The following C1orf159 variants were observed in gnomAD, a reference collection of about 807,000 sequenced individuals.
The protein encoded by C1orf159 is uncharacterized protein C1orf159.
A neutral mutation model predicts 25.6 loss-of-function variants in C1orf159; 19 were observed. The ratio of observed to expected loss-of-function variants is 0.74; its 90% CI spans 0.52 to 1.09. C1orf159 has a LOEUF of 1.09. Ranked by LOEUF, C1orf159 falls within the 50% of genes least tolerant of loss-of-function variation. The pLI is 0.00. For missense variants in C1orf159, 274 were observed against 290.6 expected (o/e 0.94, Z 0.42); for synonymous variants, 139 against 124.7 (o/e 1.12, Z -0.77).
chr1:1,090,422 G>A lies in C1orf159; in HGVS notation c.79C>T (p.Leu27=), dbSNP rs1351934735. The A allele has an allele frequency of 6.4e-7, 1 of 1,550,390 alleles. No individual in the cohort carries two copies. Among genetic ancestry groups the A allele is most frequent in the Non-Finnish European group, 8.7e-7 (1 of 1,146,942 alleles). ...ASKSMENTAQ[L]PECCVDVVGV... Reference sequence around the variant, plus strand: ...ACCACATCCACACAGCACTCGGGCAGCTGGGCCTGGAGGGGACACGGCAGT... The same window carrying A: ...ACCACATCCACACAGCACTCGGGCAACTGGGCCTGGAGGGGACACGGCAGT... The change falls in exon 4 of 10, where the codon CTG becomes TTG. Residue 27 remains leucine, a synonymous_variant. Coordinates refer to ENST00000421241, the MANE Select transcript of C1orf159 (RefSeq NM_017891.5).
At chr1:1,084,613 C>T in intron 7 of C1orf159, 107 bp from the exon 8 acceptor site, 1 of 1,431,774 alleles carries the variant, frequency 7.0e-7, no homozygotes, top group Non-Finnish European at 9.5e-7. Context: ...CAGCCTCAGC[C>T]CAGTGCGGCG....
At chr1:1,091,052 G>T in intron 3 of C1orf159, 1 of 1,310,842 alleles carries the variant, frequency 7.6e-7, no homozygotes, top group Non-Finnish European at 1.1e-6. Context: ...CACACCGCCA[G>T]GGAGGGGCCC....
At chr1:1,090,584 G>A (rs566486916) in intron 3 of C1orf159, 156 bp from the exon 4 acceptor site, 38 of 795,796 alleles carry the variant, frequency 4.8e-5, no homozygotes, top group South Asian at 1.8e-4. Flanking sequence ...TGTCCCCTGT[G>A]GGCCTGGGAG....
chr1:1,083,008 G>C (rs1292984652), intron 9 of C1orf159, 21 bp from the exon 10 acceptor site: 1 of 1,568,350 alleles, frequency 6.4e-7, no homozygotes, highest in East Asian at 2.3e-5. Flanking sequence ...TCAGAGACAG[G>C]CGAGGTCAGA....
At chr1:1,113,657 AAC>A (rs1267797086) in intron 1 of C1orf159, among the ~76,000 whole-genome samples, 1 of 152,194 alleles carries the variant, frequency 6.6e-6, no homozygotes, top group Non-Finnish European at 1.5e-5. Flanking sequence ...GAGCAGGAGC[AAC>A]AGTTTATGAA....
At chr1:1,092,520 C>T (rs966608420) in intron 1 of C1orf159, 2 of 153,550 alleles carry the variant, frequency 1.3e-5, no homozygotes, top group Non-Finnish European at 1.5e-5. Context: ...CACAAATCCT[C>T]AAGTGGTGTC....
In C1orf159 at chr1:1,086,568, C is replaced by T. The variant is rs921718043; in HGVS notation, c.311-556G>A. 3.9e-5 allele frequency among the ~76,000 whole-genome samples: 6 copies of T among 152,352 alleles called. No individual in the cohort carries two copies. The East Asian group carries it at 1.2e-3, about 29-fold the overall frequency. On this transcript the variant is annotated intron_variant, in intron 6 of 9. Coordinates refer to ENST00000421241, the MANE Select transcript of C1orf159 (RefSeq NM_017891.5). ...GGGAGGAGACTCCCCAACCCTGAGACACAGGCGTGTTTGCCAGGCTTGGGG... is the reference window on the plus strand; with the variant it reads ...GGGAGGAGACTCCCCAACCCTGAGATACAGGCGTGTTTGCCAGGCTTGGGG...
intron 1 of C1orf159, among the ~76,000 whole-genome samples, chr1:1,108,425 G>A (rs542043997): frequency 2.8e-5 from 3 of 105,278 alleles, no homozygotes; most frequent in Non-Finnish European, 3.6e-5. Context: ...CAGCAGCACC[G>A]TCCACCACAG....
chr1:1,098,693 A>G (rs1195220049), intron 1 of C1orf159, among the ~76,000 whole-genome samples: 15 of 151,800 alleles, frequency 9.9e-5, no homozygotes, highest in Admixed American at 5.9e-4. Context: ...ATCTCGGGTC[A>G]CTCCGTCTTT....
In C1orf159 at chr1:1,082,551, G is replaced by A. The variant is rs1186998446; in HGVS notation, c.*342C>T. 2.3e-5 allele frequency: 8 copies of A among 353,082 alleles called. No individual in the cohort carries two copies. The highest frequency in any genetic ancestry group is 8.9e-4 in the Middle Eastern group (1 of 1,126). 21.9% of individuals were successfully genotyped at this position (353,082 alleles called of 1,614,324 possible). On this transcript the variant is annotated 3_prime_UTR_variant, in exon 10 of 10. Transcript: ENST00000421241. Reference sequence around the variant, plus strand: ...AGCCCCTGGCTTTTCTAGGCAGAGCGGCACCTGCCCCATAGATCGTGCCAG... The same window carrying A: ...AGCCCCTGGCTTTTCTAGGCAGAGCAGCACCTGCCCCATAGATCGTGCCAG...
intron 1 of C1orf159, among the ~76,000 whole-genome samples, chr1:1,101,402 G>A (rs1447480508): frequency 6.6e-6 from 1 of 152,188 alleles, no homozygotes; most frequent in African/African-American, 2.4e-5. Flanking sequence ...AGAATCGCTT[G>A]AACCCAGGAG....
chr1:1,093,726 G>T (rs1326854951), intron 1 of C1orf159, among the ~76,000 whole-genome samples: 2 of 152,256 alleles, frequency 1.3e-5, no homozygotes, highest in African/African-American at 4.8e-5. Flanking sequence ...GCTGCTCCCA[G>T]TTCCTGGTGA....
chr1:1,097,061 G>A (rs1007465130), intron 1 of C1orf159, among the ~76,000 whole-genome samples: 2 of 151,614 alleles, frequency 1.3e-5, no homozygotes, highest in Admixed American at 6.6e-5. Context: ...TATGTCTATA[G>A]GATCCTTAGA....
chr1:1,111,717 C>A (rs998246407), intron 1 of C1orf159, among the ~76,000 whole-genome samples: 1 of 152,164 alleles, frequency 6.6e-6, no homozygotes, highest in Admixed American at 6.5e-5. Context: ...AAAGGGGAGG[C>A]GGGAGGGTCC....
rs1416721360 is a variant in C1orf159 at position 1,108,365 on chromosome 1, T to C, written c.-136+7695A>G. Among the ~76,000 whole-genome samples, 3 of 111,606 alleles carry C rather than the reference T, an allele frequency of 2.7e-5. No individual in the cohort carries two copies. The East Asian group carries it at 8.2e-4, about 30-fold the overall frequency. 73.2% of individuals were successfully genotyped at this position (111,606 alleles called of 152,430 possible). Reference sequence around the variant, plus strand: ...CCACAGCCACCATGTCTTGGCACTGTTCACCACAGCCACCATGTCTCGGCA... The same window carrying C: ...CCACAGCCACCATGTCTTGGCACTGCTCACCACAGCCACCATGTCTCGGCA... On this transcript the variant is annotated intron_variant, in intron 1 of 9. Transcript: ENST00000421241.
intron 3 of C1orf159, 55 bp from the exon 4 acceptor site, chr1:1,090,483 C>G: frequency 6.6e-7 from 1 of 1,525,458 alleles, no homozygotes; most frequent in East Asian, 2.5e-5. Context: ...CAGGCTCACG[C>G]CCAGAGCAGC....
chr1:1,083,982 G>T, intron 9 of C1orf159: 1 of 1,604,656 alleles, frequency 6.2e-7, no homozygotes, highest in Non-Finnish European at 8.5e-7. Flanking sequence ...GGGCCTGGCG[G>T]AGGCCGGCTG....
chr1:1,109,001 A>G lies in C1orf159; in HGVS notation c.-136+7059T>C, dbSNP rs1428297675. On this transcript the variant is annotated intron_variant, in intron 1 of 9. Transcript: ENST00000421241. ...CCATCCACCACGGCCACCATGTCTC[A>G]GCAGCACCGTCCACCACAGCCACCA... Among the ~76,000 whole-genome samples, 6 of 87,846 alleles carry G rather than the reference A, an allele frequency of 6.8e-5. 2 individuals carry two copies. The highest frequency in any genetic ancestry group is 2.4e-4 in the African/African-American group (4 of 16,330). The allele number at this position is 87,846 out of a possible 152,430, so 57.6% of individuals were successfully genotyped here. A position where few individuals can be genotyped will look rare whatever the true frequency, so the allele number is the denominator to read the frequency against.
At chr1:1,114,327 G>A (rs756373973) in intron 1 of C1orf159, among the ~76,000 whole-genome samples, 5 of 152,146 alleles carry the variant, frequency 3.3e-5, no homozygotes, top group African/African-American at 4.8e-5. Flanking sequence ...ACAGGTGCTT[G>A]CCCCCATGCC....
Sources: allele counts gnomAD v4.1 joint callset (sites outside exome capture counted in the v4.1 genomes callset), GRCh38; gene constraint gnomAD v4.1.1; transcripts MANE v1.5; gene names NCBI Gene and HGNC (gene_info 2026-07-23, HGNC 2026-07-21).